The following GABRB2 variants were observed in gnomAD, a reference collection of about 807,000 sequenced individuals.
The protein encoded by GABRB2 is gamma-aminobutyric acid type A receptor subunit beta2, also known as gamma-aminobutyric acid receptor subunit beta-2.
In GABRB2, 16 loss-of-function variants were observed where a neutral mutation model predicts 54.7. The ratio of observed to expected loss-of-function variants is 0.29; its 90% CI spans 0.20 to 0.44. The LOEUF is 0.44. Ranked by LOEUF, GABRB2 falls within the 20% of genes least tolerant of loss-of-function variation. The pLI, the probability that GABRB2 is intolerant of heterozygous loss-of-function variation, is 1.00. For synonymous variants in GABRB2, 244 were observed against 233.8 expected, an observed-to-expected ratio of 1.04 and a Z score of -0.40; for missense variants, 355 against 644.0, an observed-to-expected ratio of 0.55 and a Z score of 4.86.
chr5:161,512,125 G>C (rs1759790492), intron 3 of GABRB2, among the ~76,000 whole-genome samples: 1 of 151,972 alleles, frequency 6.6e-6, no homozygotes, highest in Non-Finnish European at 1.5e-5. Context: ...ATGCTCAAGA[G>C]TTGGAAAAAT....
chr5:161,415,569 T>C (rs879509133), intron 4 of GABRB2, among the ~76,000 whole-genome samples: 4 of 152,210 alleles, frequency 2.6e-5, no homozygotes, highest in African/African-American at 4.8e-5. Flanking sequence ...CTGAGATTTA[T>C]TGATGCTAAC....
intron 3 of GABRB2, among the ~76,000 whole-genome samples, chr5:161,510,694 G>A (rs1759740199): frequency 6.6e-6 from 1 of 151,830 alleles, no homozygotes; most frequent in Non-Finnish European, 1.5e-5. Flanking sequence ...GTAGTGCAAT[G>A]GCATGATCTT....
chr5:161,373,923 A>C (rs1755207816), intron 5 of GABRB2, among the ~76,000 whole-genome samples: 1 of 151,088 alleles, frequency 6.6e-6, no homozygotes, highest in African/African-American at 2.4e-5. Context: ...CGTCTTCTTT[A>C]TTTTATTTTA....
intron 3 of GABRB2, among the ~76,000 whole-genome samples, chr5:161,544,883 AC>A (rs1191540460): frequency 6.6e-6 from 1 of 151,972 alleles, no homozygotes; most frequent in Non-Finnish European, 1.5e-5. Flanking sequence ...TCTTCCCATG[AC>A]CCCACATCAA....
At position 161,290,258 on chromosome 5, in the gene GABRB2, T is replaced by C. The variant is rs1334439338; in HGVS notation, c.*3823A>G. 1.3e-5 allele frequency: 2 copies of C among 152,500 alleles called. No homozygotes were observed. The highest frequency in any genetic ancestry group is 4.8e-5 in the African/African-American group (2 of 41,434). The allele number at this position is 152,500 out of a possible 1,614,324, so 9.4% of individuals were successfully genotyped here. ...CATGGTGGGGTTTAGTTTTTTTTTT[T>C]TCTTCCTCTTTGGAGGAATTTTTAT... On this transcript the variant is annotated 3_prime_UTR_variant, in exon 10 of 10. Coordinates refer to ENST00000393959, the MANE Select transcript of GABRB2 (RefSeq NM_001371727.1).
chr5:161,387,363 G>A (rs1755677577), intron 5 of GABRB2, among the ~76,000 whole-genome samples: 1 of 152,206 alleles, frequency 6.6e-6, no homozygotes, highest in East Asian at 1.9e-4. Context: ...GGAACCGAGA[G>A]GCTGTGCTCA....
intron 4 of GABRB2, among the ~76,000 whole-genome samples, chr5:161,454,854 T>G (rs754067977): frequency 2.0e-5 from 3 of 152,064 alleles, no homozygotes; most frequent in Non-Finnish European, 4.4e-5. Flanking sequence ...TTACTCTTTG[T>G]TAAGGAAATT....
chr5:161,293,385 T>C lies in GABRB2; in HGVS notation c.*696A>G, dbSNP rs1383547618. On this transcript the variant is annotated 3_prime_UTR_variant, in exon 10 of 10. Transcript: ENST00000393959. ...TTTAACCACCTAGGAAATAGCCGTT[T>C]AGCAAAAATTTTCTTGGCCACCATG... is the stretch of plus-strand genomic sequence containing the variant. The C allele has an allele frequency of 2.0e-5, 3 of 152,186 alleles. No individual in the cohort carries two copies. Among genetic ancestry groups the C allele is most frequent in the South Asian group, 2.1e-4 (1 of 4,826 alleles). 9.4% of individuals were successfully genotyped at this position (152,186 alleles called of 1,614,324 possible). A position where few individuals can be genotyped will look rare whatever the true frequency, so the allele number is the denominator to read the frequency against.
At chr5:161,469,908 C>T (rs771678805) in intron 3 of GABRB2, among the ~76,000 whole-genome samples, 2 of 151,886 alleles carry the variant, frequency 1.3e-5, no homozygotes, top group African/African-American at 2.4e-5. Flanking sequence ...ATTTTCTCAT[C>T]CAAAGTGAAC....
At chr5:161,398,689 T>TTTTTG (rs1436739116) in intron 5 of GABRB2, among the ~76,000 whole-genome samples, 1 of 151,752 alleles carries the variant, frequency 6.6e-6, no homozygotes, top group East Asian at 1.9e-4. Context: ...GTTGTTGTTG[T>TTTTTG]TTTTGTTTTG....
chr5:161,424,410 A>G (rs886344559), intron 4 of GABRB2, among the ~76,000 whole-genome samples: 1 of 152,104 alleles, frequency 6.6e-6, no homozygotes, highest in Non-Finnish European at 1.5e-5. Flanking sequence ...TTTAAGTTGA[A>G]TGTAGGGCTC....
At chr5:161,487,690 A>G (rs915722456) in intron 3 of GABRB2, among the ~76,000 whole-genome samples, 2 of 151,886 alleles carry the variant, frequency 1.3e-5, no homozygotes, top group African/African-American at 4.8e-5. Context: ...AAATAGTAAC[A>G]TTAATGCCCA....
At chr5:161,512,111 T>C (rs1480129951) in intron 3 of GABRB2, among the ~76,000 whole-genome samples, 3 of 152,104 alleles carry the variant, frequency 2.0e-5, no homozygotes, top group Non-Finnish European at 4.4e-5. Flanking sequence ...AAAGTGACTA[T>C]TCCATGCTCA....
chr5:161,433,491 T>C (rs1757227262), intron 4 of GABRB2, among the ~76,000 whole-genome samples: 1 of 151,312 alleles, frequency 6.6e-6, no homozygotes, highest in Non-Finnish European at 1.5e-5. Context: ...TTGCCTGTAG[T>C]CCCAGCTACC....
rs148831055 is a variant in GABRB2 at position 161,441,592 on chromosome 5, C to T, written c.458+18032G>A. On this transcript the variant is annotated intron_variant, in intron 4 of 9. Coordinates refer to ENST00000393959, the MANE Select transcript of GABRB2 (RefSeq NM_001371727.1). ...ATAAAACTACCATATGATCAGCTAT[C>T]GCACTGCTGGGTATATACGCAAAGG... 3.3e-5 allele frequency among the ~76,000 whole-genome samples: 5 copies of T among 152,254 alleles called. No homozygotes were observed. In the East Asian group the frequency reaches 5.8e-4, roughly 18 times the overall value.
chr5:161,333,995 A>G (rs1753922586), intron 7 of GABRB2, among the ~76,000 whole-genome samples: 1 of 152,212 alleles, frequency 6.6e-6, no homozygotes, highest in Non-Finnish European at 1.5e-5. Context: ...TCCAGTGCTT[A>G]GTACAATTAG....
chr5:161,535,519 T>G (rs1318461255), intron 3 of GABRB2, among the ~76,000 whole-genome samples: 1 of 152,174 alleles, frequency 6.6e-6, no homozygotes, highest in Non-Finnish European at 1.5e-5. Flanking sequence ...AAAATGGCTT[T>G]GCTACATTTT....
chr5:161,366,725 C>T (rs1438254326), intron 5 of GABRB2, among the ~76,000 whole-genome samples: 1 of 152,146 alleles, frequency 6.6e-6, no homozygotes, highest in Non-Finnish European at 1.5e-5. Context: ...GTGGGTGGAT[C>T]ACCTGAGGTC....
Position 161,289,945 on chromosome 5 carries a change from T to G in GABRB2, c.*4136A>C, listed in dbSNP as rs557422181. The stretch of plus-strand genomic sequence containing the variant: ...GTAATAGTACTTAGTAAAAAATAAA[T>G]AAAAATTAAGAAAAAAACTAAACAA... On this transcript the variant is annotated 3_prime_UTR_variant, in exon 10 of 10. Coordinates refer to ENST00000393959, the MANE Select transcript of GABRB2 (RefSeq NM_001371727.1). 1 of 152,296 alleles carries G rather than the reference T, an allele frequency of 6.6e-6. No individual in the cohort carries two copies. Among genetic ancestry groups the G allele is most frequent in the Non-Finnish European group, 1.5e-5 (1 of 67,964 alleles). 9.4% of individuals were successfully genotyped at this position (152,296 alleles called of 1,614,324 possible).
Sources: gnomAD v4.1 joint callset for allele counts (sites outside exome capture counted in the v4.1 genomes callset) on GRCh38, gnomAD v4.1.1 for gene constraint, MANE v1.5 for transcripts, NCBI Gene and HGNC (gene_info 2026-07-23, HGNC 2026-07-21) for gene names.